The following ZNF69 variants were observed in gnomAD, a reference collection of about 807,000 sequenced individuals.
ZNF69 encodes ZNF3.
A neutral mutation model predicts 50.9 loss-of-function variants in ZNF69; 47 were observed. The ratio of observed to expected loss-of-function variants is 0.92; its 90% confidence interval spans 0.73 to 1.18. The LOEUF (loss-of-function observed/expected upper bound fraction) is 1.18. ZNF69 is among the 50% of genes most tolerant of loss of function. The probability of loss-of-function intolerance (pLI) is 0.00; values close to 1 mark genes in which losing one functional copy is unlikely to be tolerated. For synonymous variants in ZNF69, 216 were observed against 223.1 expected, an observed-to-expected ratio of 0.97 and a Z score of 0.29; for missense variants, 717 against 675.1, an observed-to-expected ratio of 1.06 and a Z score of -0.69.
At chr19:11,904,505 G>A in intron 3 of ZNF69, 144 bp from the exon 4 acceptor site, 1 of 1,204,828 alleles carries the variant, frequency 8.3e-7, no homozygotes, top group Middle Eastern at 2.9e-4. Context: ...ACAATGGGTT[G>A]TCCAGTCACC....
At chr19:11,974,845 C>T in the ZNF69 span, among the ~76,000 whole-genome samples, 13 of 152,330 alleles carry the variant, frequency 8.5e-5, no homozygotes, top group African/African-American at 1.4e-4. Flanking sequence ...TCAAGTGATA[C>T]GCCTGCCTTG....
the ZNF69 span, among the ~76,000 whole-genome samples, chr19:11,922,148 C>A: frequency 2.0e-5 from 3 of 151,894 alleles, no homozygotes; most frequent in Non-Finnish European, 2.9e-5. Flanking sequence ...GAGACAGATT[C>A]TTTTACTGTT....
the ZNF69 span, among the ~76,000 whole-genome samples, chr19:11,932,561 A>G: frequency 6.8e-6 from 1 of 147,242 alleles, no homozygotes; most frequent in South Asian, 2.1e-4. Flanking sequence ...TTTTCTTTAT[A>G]CTTCCCCAAC....
chr19:11,967,648 C>G, the ZNF69 span, among the ~76,000 whole-genome samples: 1 of 152,222 alleles, frequency 6.6e-6, no homozygotes, highest in African/African-American at 2.4e-5. Flanking sequence ...CGTGATCCAC[C>G]CACCTCGGCC....
rs1202649410 is a variant in ZNF69, at chr19:11,906,211, C to T, written c.*113C>T. The T allele has an allele frequency of 1.6e-5, 24 of 1,530,534 alleles. No individual in the cohort carries two copies. Among genetic ancestry groups the T allele is most frequent in the Admixed American group, 2.2e-5 (1 of 44,740 alleles). The allele number at this position is 1,530,534 out of a possible 1,614,324, so 94.8% of individuals were successfully genotyped here. A position where few individuals can be genotyped will look rare whatever the true frequency, so the allele number is the denominator to read the frequency against. ...ACCCTTCAGGTCTGCCCAGAACCTT[C>T]GAATTCAGTAAAGGACACAAGCACA... On this transcript the variant is annotated 3_prime_UTR_variant, in exon 4 of 4. Transcript: ENST00000429654.
In ZNF69 at chr19:11,893,378, G is replaced by A. The variant is rs181795503; in HGVS notation, c.63+5392G>A. Among the ~76,000 whole-genome samples the A allele has an allele frequency of 6.4e-3, 973 of 152,188 alleles. 5 individuals carry two copies. The highest frequency in any genetic ancestry group is 8.8e-3 in the Non-Finnish European group (599 of 68,014). On this transcript the variant is annotated intron_variant, in intron 1 of 3. Transcript: ENST00000429654. Reference sequence around the variant, plus strand: ...CCCCTGGCATTTTCCAAATATATGGGATGCCGGATCTCAAATCCTCCACCC... The same window carrying A: ...CCCCTGGCATTTTCCAAATATATGGAATGCCGGATCTCAAATCCTCCACCC...
the ZNF69 span, chr19:11,948,752 C>T: frequency 2.5e-6 from 4 of 1,611,904 alleles, no homozygotes; most frequent in South Asian, 1.1e-5. Flanking sequence ...CATGAAAGAA[C>T]TCACACTGGA....
At position 11,904,688 on chromosome 19, in the gene ZNF69, C is replaced by T. The variant is rs908754597; in HGVS notation, c.291C>T (p.Asp97=). ...AGAAAGTCAATGAAATTAAAGATGACAGTCATTGTGGAGAAACTTTTACCC... is the reference window on the plus strand; with the variant it reads ...AGAAAGTCAATGAAATTAAAGATGATAGTCATTGTGGAGAAACTTTTACCC... ...IEKKVNEIKD[D]SHCGETFTQV... Residue 97 remains aspartate, a synonymous_variant, in exon 4 of 4, where the codon GAC becomes GAT. Transcript: ENST00000429654. 3 of 1,613,548 alleles carry T rather than the reference C, an allele frequency of 1.9e-6. No homozygotes were observed. In the African/African-American group the frequency reaches 4.0e-5, roughly 22 times the overall value.
chr19:11,965,234 C>A, the ZNF69 span: 3 of 1,613,788 alleles, frequency 1.9e-6, no homozygotes, highest in African/African-American at 4.0e-5. Flanking sequence ...AGCCGGTTGT[C>A]CCGAGACGGG....
the ZNF69 span, among the ~76,000 whole-genome samples, chr19:11,935,239 T>C: frequency 7.2e-6 from 1 of 139,446 alleles, no homozygotes; most frequent in East Asian, 2.1e-4. Flanking sequence ...TCTTGTTTTT[T>C]TTTTTTTTTT....
the ZNF69 span, among the ~76,000 whole-genome samples, chr19:11,922,950 T>C: frequency 3.0e-4 from 46 of 152,120 alleles, no homozygotes; most frequent in African/African-American, 1.1e-3. Context: ...GTAGCTGTGA[T>C]TACAGGTACA....
chr19:11,947,381 AT>A, the ZNF69 span: 1 of 1,608,306 alleles, frequency 6.2e-7, no homozygotes, highest in East Asian at 2.2e-5. Context: ...CTGTTGAGTG[AT>A]TTTGAACATA....
Position 11,892,135 on chromosome 19 carries a change from ATTTTTTTT to A in ZNF69, c.63+4165_63+4172del, listed in dbSNP as rs4071659. Among the ~76,000 whole-genome samples the A allele has an allele frequency of 6.5e-3, 742 of 113,924 alleles. 8 individuals carry two copies. The highest frequency in any genetic ancestry group is 0.023 in the African/African-American group (661 of 28,248). 74.7% of individuals were successfully genotyped at this position (113,924 alleles called of 152,430 possible). A position where few individuals can be genotyped will look rare whatever the true frequency, so the allele number is the denominator to read the frequency against. ...AGTCGCCCACCAGCACTCCTGGCTG[ATTTTTTTT>A]TTTTTTTTTTTTTTTGTATGCAGGT... On this transcript the variant is annotated intron_variant, in intron 1 of 3. Coordinates refer to ENST00000429654, the MANE Select transcript of ZNF69 (RefSeq NM_001364730.1).
the ZNF69 span, among the ~76,000 whole-genome samples, chr19:11,970,098 AT>A: frequency 6.6e-6 from 1 of 152,170 alleles, no homozygotes; most frequent in Non-Finnish European, 1.5e-5. Flanking sequence ...TACATAACCA[AT>A]TCTTGGGGTG....
rs1972291005 is a variant in ZNF69, at chr19:11,903,478, G to T, written c.64-95G>T. On this transcript the variant is annotated intron_variant, in intron 1 of 3. Coordinates refer to ENST00000429654, the MANE Select transcript of ZNF69 (RefSeq NM_001364730.1). ...AGAAAGAGATCTGATGACCCTTGGA[G>T]TCCACGGCATCCTGAGAACTTCTTG... 3.8e-6 allele frequency: 6 copies of T among 1,562,530 alleles called. No homozygotes were observed. The Admixed American group carries it at 1.2e-4, about 32-fold the overall frequency.
the ZNF69 span, among the ~76,000 whole-genome samples, chr19:11,974,381 G>A: frequency 6.6e-6 from 1 of 151,284 alleles, no homozygotes; most frequent in Non-Finnish European, 1.5e-5. Flanking sequence ...ATTATTAGTA[G>A]AGATGACATT....
chr19:11,894,838 G>C (rs1205816988), intron 1 of ZNF69, among the ~76,000 whole-genome samples: 1 of 152,206 alleles, frequency 6.6e-6, no homozygotes, highest in Non-Finnish European at 1.5e-5. Context: ...AAGGAGAAAT[G>C]ATTCCTGTCC....
chr19:11,954,094 T>C, the ZNF69 span, among the ~76,000 whole-genome samples: 1 of 152,158 alleles, frequency 6.6e-6, no homozygotes, highest in African/African-American at 2.4e-5. Flanking sequence ...AGCAGATTAA[T>C]AGGAGAAAAG....
chr19:11,965,075 G>A, the ZNF69 span: 1 of 1,170,296 alleles, frequency 8.5e-7, no homozygotes, highest in Admixed American at 1.9e-5. Context: ...GCCGGTGGTT[G>A]ATATCCGCTG....
Sources: gnomAD v4.1 joint callset for allele counts (sites outside exome capture counted in the v4.1 genomes callset) on GRCh38, gnomAD v4.1.1 for gene constraint, MANE v1.5 for transcripts, NCBI Gene and HGNC (gene_info 2026-07-23, HGNC 2026-07-21) for gene names.